ZBBX: variants seen among roughly 807,000 people sequenced by gnomAD.
ZBBX encodes the protein zinc finger B-box domain-containing protein 1.
Under a neutral mutation model 108.5 loss-of-function variants are expected in ZBBX, and 101 were observed. The ratio of observed to expected loss-of-function variants is 0.93; its 90% CI spans 0.79 to 1.10. ZBBX has a LOEUF of 1.10. Ranked by LOEUF, ZBBX falls within the 50% of genes least tolerant of loss-of-function variation. The pLI is 0.00. For synonymous variants in ZBBX, 356 were observed against 323.4 expected (o/e 1.10, Z -1.08); for missense variants, 1,009 against 941.4 (o/e 1.07, Z -0.94).
intron 8 of ZBBX, among the ~76,000 whole-genome samples, chr3:167,355,348 T>C (rs923519832): frequency 2.0e-5 from 3 of 151,946 alleles, no homozygotes; most frequent in African/African-American, 7.2e-5. Flanking sequence ...AACTTTGAGG[T>C]ACAGATTACT....
In ZBBX at chr3:167,350,392, A is replaced by G. The variant is rs755013641; in HGVS notation, c.528+28T>C. On this transcript the variant is annotated intron_variant, in intron 9 of 21. Transcript: ENST00000675490. ...TGTGGAAACATTTTATAAACACACTACAAGTAAATCATTTTAGAAAGCCAT... is the reference window on the plus strand; with the variant it reads ...TGTGGAAACATTTTATAAACACACTGCAAGTAAATCATTTTAGAAAGCCAT... The G allele has an allele frequency of 7.2e-6, 11 of 1,527,828 alleles. No homozygotes were observed. In the Admixed American group the frequency reaches 1.6e-4, roughly 23 times the overall value. 94.6% of individuals were successfully genotyped at this position (1,527,828 alleles called of 1,614,324 possible). A position where few individuals can be genotyped will look rare whatever the true frequency, so the allele number is the denominator to read the frequency against.
At chr3:167,232,095 AC>A in the ZBBX span, among the ~76,000 whole-genome samples, 1 of 151,820 alleles carries the variant, frequency 6.6e-6, no homozygotes, top group Non-Finnish European at 1.5e-5. Context: ...TGAATCAGAT[AC>A]TTTAATTCAT....
chr3:167,234,298 G>T, the ZBBX span, among the ~76,000 whole-genome samples: 1 of 151,684 alleles, frequency 6.6e-6, no homozygotes, highest in East Asian at 1.9e-4. Context: ...CCTAATATTG[G>T]AACACTCATT....
intron 20 of ZBBX, among the ~76,000 whole-genome samples, chr3:167,267,442 G>A (rs1307098284): frequency 1.3e-5 from 2 of 152,146 alleles, no homozygotes; most frequent in Admixed American, 6.5e-5. Flanking sequence ...AATACCCCAA[G>A]TATTATGAGA....
the ZBBX span, among the ~76,000 whole-genome samples, chr3:167,179,043 T>G: frequency 0.026 from 3,995 of 152,102 alleles, 194 homozygotes; most frequent in African/African-American, 0.092. Flanking sequence ...GCATTGTCCA[T>G]TTTAAGAGAA....
At chr3:167,308,560 A>C (rs1734058656) in intron 16 of ZBBX, among the ~76,000 whole-genome samples, 1 of 152,208 alleles carries the variant, frequency 6.6e-6, no homozygotes, top group Non-Finnish European at 1.5e-5. Flanking sequence ...AATCAACCCA[A>C]ATGCTCATTA....
At chr3:167,267,032 T>C (rs953946164) in intron 20 of ZBBX, among the ~76,000 whole-genome samples, 3 of 152,170 alleles carry the variant, frequency 2.0e-5, no homozygotes, top group African/African-American at 4.8e-5. Context: ...AGGTAAACTC[T>C]GTGCACAAAC....
chr3:167,360,967 CAT>C (rs1457329002), intron 6 of ZBBX, among the ~76,000 whole-genome samples: 1 of 151,668 alleles, frequency 6.6e-6, no homozygotes, highest in African/African-American at 2.4e-5. Context: ...TTTTTGAAAA[CAT>C]AATTTGGCTT....
At chr3:167,368,422 T>C in intron 5 of ZBBX, 39 bp downstream of exon 5, 2 of 1,368,742 alleles carry the variant, frequency 1.5e-6, no homozygotes, top group Non-Finnish European at 2.1e-6. Flanking sequence ...TTATATAATT[T>C]AGTTGATTCA....
At position 167,348,372 on chromosome 3, in the gene ZBBX, A is replaced by AAAG. The variant is rs1560163843; in HGVS notation, c.528+2047_528+2048insCTT. 4.0e-3 allele frequency among the ~76,000 whole-genome samples: 424 copies of AAAG among 104,744 alleles called. 2 individuals are homozygous for AAAG. Among genetic ancestry groups the AAAG allele is most frequent in the Non-Finnish European group, 4.7e-3 (216 of 45,716 alleles). The allele number at this position is 104,744 out of a possible 152,430, so 68.7% of individuals were successfully genotyped here. A position where few individuals can be genotyped will look rare whatever the true frequency, so the allele number is the denominator to read the frequency against. ...AGAAAGAAAGAAAGAAAGAAAGAAA[A>AAAG]AAAAGAAAAGAAAAGAAGAAGGAGG... On this transcript the variant is annotated intron_variant, in intron 9 of 21. Transcript: ENST00000675490.
the ZBBX span, among the ~76,000 whole-genome samples, chr3:167,184,162 T>C: frequency 1.3e-5 from 2 of 152,194 alleles, no homozygotes; most frequent in Non-Finnish European, 2.9e-5. Context: ...AGGAGAAACA[T>C]AAATAACTTT....
intron 20 of ZBBX, among the ~76,000 whole-genome samples, chr3:167,262,243 G>T (rs564950762): frequency 6.6e-6 from 1 of 152,262 alleles, no homozygotes; most frequent in African/African-American, 2.4e-5. Flanking sequence ...GGAGCAGTCT[G>T]CTTTCTTCAG....
intron 2 of ZBBX, among the ~76,000 whole-genome samples, chr3:167,376,204 G>C (rs542616418): frequency 2.6e-5 from 4 of 152,180 alleles, no homozygotes; most frequent in African/African-American, 4.8e-5. Context: ...TTTTGGGAGG[G>C]AGGTGGTAGC....
chr3:167,260,867 G>A (rs901121731), intron 20 of ZBBX, among the ~76,000 whole-genome samples: 2 of 152,154 alleles, frequency 1.3e-5, no homozygotes, highest in African/African-American at 2.4e-5. Context: ...TCAATTGCTG[G>A]TGAGCATGTG....
At chr3:167,303,186 T>C (rs1229785594) in intron 17 of ZBBX, among the ~76,000 whole-genome samples, 1 of 152,218 alleles carries the variant, frequency 6.6e-6, no homozygotes, top group Non-Finnish European at 1.5e-5. Flanking sequence ...GGATTTTCTA[T>C]GGTCCCCTTT....
In ZBBX at chr3:167,368,580, GA is replaced by G; in HGVS notation, c.69-7del. On this transcript the variant is annotated splice_region_variant and splice_polypyrimidine_tract_variant and intron_variant, in intron 4 of 21. Transcript: ENST00000675490. ...TTCGCAGTTCTTGAGCATTTCTGAA[GA>G]CATAAGATTTAAATGGAGAAAGCAG... The G allele has an allele frequency of 6.3e-7, 1 of 1,585,604 alleles. No homozygotes were observed. The highest frequency in any genetic ancestry group is 8.6e-7 in the Non-Finnish European group (1 of 1,166,752).
intron 8 of ZBBX, among the ~76,000 whole-genome samples, chr3:167,359,438 A>G (rs1446238415): frequency 3.3e-5 from 5 of 152,252 alleles, no homozygotes; most frequent in African/African-American, 1.2e-4. Context: ...TATTAAAAAA[A>G]TAGACAATGG....
At chr3:167,250,595 C>T (rs553848826) in intron 20 of ZBBX, among the ~76,000 whole-genome samples, 5 of 151,124 alleles carry the variant, frequency 3.3e-5, no homozygotes, top group Admixed American at 1.3e-4. Flanking sequence ...ACCGGAGCCT[C>T]GAAAGATGGC....
intron 18 of ZBBX, among the ~76,000 whole-genome samples, chr3:167,290,695 C>T (rs578144098): frequency 1.7e-3 from 260 of 152,126 alleles, no homozygotes; most frequent in African/African-American, 5.8e-3. Flanking sequence ...CAAAACTGGA[C>T]GGAGAATGAG....
Sources: allele counts gnomAD v4.1 joint callset (sites outside exome capture counted in the v4.1 genomes callset), GRCh38; gene constraint gnomAD v4.1.1; transcripts MANE v1.5; gene names NCBI Gene and HGNC (gene_info 2026-07-23, HGNC 2026-07-21).